The following ASTN1 variants were observed in gnomAD, a reference collection of about 807,000 sequenced individuals.
ASTN1 encodes astrotactin-1.
In ASTN1, 41 loss-of-function variants were observed where a neutral mutation model predicts 140.7. The ratio of observed to expected loss-of-function variants is 0.29; its 90% confidence interval spans 0.23 to 0.38. ASTN1 has a LOEUF of 0.38. ASTN1 is among the 10% of genes least tolerant of loss of function. The pLI is 1.00. For missense variants in ASTN1, 1,479 were observed against 1,678.8 expected, an observed-to-expected ratio of 0.88 and a Z score of 2.08; for synonymous variants, 640 against 652.2, an observed-to-expected ratio of 0.98 and a Z score of 0.29.
intron 8 of ASTN1, among the ~76,000 whole-genome samples, chr1:176,993,009 C>A (rs1674259057): frequency 6.6e-6 from 1 of 152,190 alleles, no homozygotes; most frequent in South Asian, 2.1e-4. Flanking sequence ...ATAGACAACG[C>A]CAGAGCTCCC....
intron 1 of ASTN1, among the ~76,000 whole-genome samples, chr1:177,115,125 C>T (rs1681017240): frequency 6.6e-6 from 1 of 152,038 alleles, no homozygotes; most frequent in Non-Finnish European, 1.5e-5. Context: ...AGGAGGAGCA[C>T]CACCACCCAT....
Position 176,925,480 on chromosome 1 carries a change from T to C in ASTN1, c.2671+8672A>G, listed in dbSNP as rs1249269685. On this transcript the variant is annotated intron_variant, in intron 16 of 22. Coordinates refer to ENST00000361833, the MANE Select transcript of ASTN1 (RefSeq NM_004319.3). ...TTTTAACAAGATCTTAGGTGATACA[T>C]ATGCGTATTACATTTTAAGAAGCAC... Among the ~76,000 whole-genome samples, 5 of 152,312 alleles carry C rather than the reference T, an allele frequency of 3.3e-5. No homozygotes were observed. In the East Asian group the frequency reaches 5.8e-4, roughly 18 times the overall value.
chr1:176,905,166 A>G (rs994079004), intron 16 of ASTN1, among the ~76,000 whole-genome samples: 6 of 152,218 alleles, frequency 3.9e-5, no homozygotes, highest in African/African-American at 1.4e-4. Flanking sequence ...ATAGTTCTAC[A>G]AAGGGTAAAA....
chr1:177,157,301 T>C (rs1048241353), intron 1 of ASTN1, among the ~76,000 whole-genome samples: 5 of 151,956 alleles, frequency 3.3e-5, no homozygotes, highest in Non-Finnish European at 7.4e-5. Flanking sequence ...CTTTTTGTTG[T>C]TGTTGTTGTT....
chr1:177,017,623 G>A (rs975459397), intron 7 of ASTN1, among the ~76,000 whole-genome samples: 3 of 152,204 alleles, frequency 2.0e-5, no homozygotes, highest in Non-Finnish European at 2.9e-5. Flanking sequence ...CGCATGAGGC[G>A]CCGACTCCAT....
chr1:176,884,505 G>A lies in ASTN1; in HGVS notation c.3075-15C>T, dbSNP rs1193036744. The A allele has an allele frequency of 1.9e-6, 3 of 1,591,014 alleles. No individual in the cohort carries two copies. The East Asian group carries it at 6.8e-5, about 36-fold the overall frequency. The stretch of plus-strand genomic sequence containing the variant: ...AGAGTCTCAGCCTGTGTGCAGACAG[G>A]AAGGAACATGAAACAGGGACACAAC... On this transcript the variant is annotated splice_polypyrimidine_tract_variant and intron_variant, in intron 18 of 22. Transcript: ENST00000361833.
At chr1:177,130,823 A>T (rs1681905795) in intron 1 of ASTN1, among the ~76,000 whole-genome samples, 1 of 152,204 alleles carries the variant, frequency 6.6e-6, no homozygotes, top group Admixed American at 6.5e-5. Flanking sequence ...GAGGCAGACA[A>T]GGTTACCATT....
chr1:177,101,753 G>T (rs1558095820), intron 1 of ASTN1, among the ~76,000 whole-genome samples: 3 of 152,156 alleles, frequency 2.0e-5, no homozygotes, highest in Admixed American at 6.5e-5. Flanking sequence ...ATGATAGGGA[G>T]AGAGTGACAA....
intron 1 of ASTN1, among the ~76,000 whole-genome samples, chr1:177,074,925 A>G (rs903078669): frequency 3.3e-5 from 5 of 152,222 alleles, no homozygotes; most frequent in Admixed American, 6.5e-5. Flanking sequence ...CTGCAGTAAT[A>G]AAATAATTTG....
chr1:177,115,030 A>C (rs1681012484), intron 1 of ASTN1, among the ~76,000 whole-genome samples: 1 of 151,902 alleles, frequency 6.6e-6, no homozygotes, highest in African/African-American at 2.4e-5. Flanking sequence ...AGGTAGAAGG[A>C]AGAGGAAGGG....
intron 1 of ASTN1, among the ~76,000 whole-genome samples, chr1:177,135,115 G>A (rs1440217808): frequency 6.6e-6 from 1 of 152,056 alleles, no homozygotes; most frequent in Non-Finnish European, 1.5e-5. Context: ...ACTGCCATGG[G>A]ACGTTGCTTT....
chr1:177,097,722 T>C (rs1050577872), intron 1 of ASTN1, among the ~76,000 whole-genome samples: 4 of 152,202 alleles, frequency 2.6e-5, no homozygotes, highest in African/African-American at 9.6e-5. Context: ...AGTAACCAAA[T>C]TGGTGATTGA....
intron 8 of ASTN1, among the ~76,000 whole-genome samples, chr1:176,988,557 T>C (rs1022709340): frequency 6.6e-6 from 1 of 152,210 alleles, no homozygotes; most frequent in Admixed American, 6.5e-5. Flanking sequence ...TATCCAAACA[T>C]AAATGTGTTT....
intron 1 of ASTN1, among the ~76,000 whole-genome samples, chr1:177,062,894 A>AT (rs1678169243): frequency 6.6e-6 from 1 of 152,192 alleles, no homozygotes; most frequent in African/African-American, 2.4e-5. Flanking sequence ...GCAACCCACC[A>AT]TGAGTGAATG....
intron 2 of ASTN1, among the ~76,000 whole-genome samples, chr1:177,055,787 A>C (rs1322443261): frequency 6.6e-6 from 1 of 152,228 alleles, no homozygotes; most frequent in East Asian, 1.9e-4. Context: ...CCTAAGTTGA[A>C]TGAAAAAAAT....
intron 8 of ASTN1, 61 bp downstream of exon 8, chr1:177,014,730 C>A: frequency 1.4e-6 from 2 of 1,473,064 alleles, no homozygotes; most frequent in South Asian, 2.3e-5. Context: ...TGCTCCACGT[C>A]ATGTCTGTGT....
At chr1:177,055,352 T>C (rs17379552) in intron 2 of ASTN1, among the ~76,000 whole-genome samples, 4,528 of 152,336 alleles carry the variant, frequency 0.03, 116 homozygotes, top group Middle Eastern at 0.071. Flanking sequence ...GGGCATTCCA[T>C]GGTGCCAGGT....
intron 8 of ASTN1, among the ~76,000 whole-genome samples, chr1:176,969,458 A>G (rs1673040031): frequency 6.6e-6 from 1 of 152,158 alleles, no homozygotes; most frequent in African/African-American, 2.4e-5. Context: ...TCGGCCGGGT[A>G]AGCAGAGGCT....
chr1:176,965,412 C>A (rs539374160), intron 8 of ASTN1, among the ~76,000 whole-genome samples, 175 bp from the exon 9 acceptor site: 1 of 152,058 alleles, frequency 6.6e-6, no homozygotes, highest in Admixed American at 6.5e-5. Flanking sequence ...TGGGACCTGA[C>A]GAAGAACACG....
Sources: allele counts gnomAD v4.1 joint callset (sites outside exome capture counted in the v4.1 genomes callset), GRCh38; gene constraint gnomAD v4.1.1; transcripts MANE v1.5; gene names NCBI Gene and HGNC (gene_info 2026-07-23, HGNC 2026-07-21).